Variants in PDE1A observed in about 807,000 individuals in gnomAD.
PDE1A encodes phosphodiesterase 1A.
PDE1A carries 35 observed loss-of-function variants against 61.7 expected under a neutral mutation model. The observed-to-expected ratio is 0.57, with a 90% CI of 0.43 to 0.75. The LOEUF (loss-of-function observed/expected upper bound fraction) is 0.75, where lower values mean the gene tolerates loss of function less well. Ranked by LOEUF, PDE1A falls within the 30% of genes least tolerant of loss-of-function variation. The pLI is 0.00. For synonymous variants in PDE1A, 232 were observed against 213.2 expected (o/e 1.09, Z -0.77); for missense variants, 597 against 630.6 (o/e 0.95, Z 0.57).
chr2:182,344,763 C>T (rs1698415563), intron 1 of PDE1A, among the ~76,000 whole-genome samples: 2 of 151,970 alleles, frequency 1.3e-5, no homozygotes, highest in South Asian at 4.1e-4. Context: ...CACACACACA[C>T]ACACACATAC....
chr2:182,677,405 A>T, the PDE1A span, among the ~76,000 whole-genome samples: 1 of 152,238 alleles, frequency 6.6e-6, no homozygotes, highest in African/African-American at 2.4e-5. Flanking sequence ...CAAATCAGAG[A>T]TAACACAAAC....
chr2:182,224,473 CAA>C (rs1688980441), intron 6 of PDE1A, among the ~76,000 whole-genome samples: 1 of 151,834 alleles, frequency 6.6e-6, no homozygotes, highest in Non-Finnish European at 1.5e-5. Flanking sequence ...CTGAAATTCA[CAA>C]ATTTTTCTAT....
chr2:182,284,069 G>C (rs775309645), intron 1 of PDE1A, among the ~76,000 whole-genome samples: 18 of 152,052 alleles, frequency 1.2e-4, no homozygotes, highest in Non-Finnish European at 2.5e-4. Flanking sequence ...TGACCTGGCA[G>C]CCCTTACCTG....
chr2:182,453,446 T>A (rs1685663587), intron 2 of PDE1A, among the ~76,000 whole-genome samples: 2 of 151,606 alleles, frequency 1.3e-5, no homozygotes, highest in Admixed American at 1.3e-4. Context: ...AAAAAAAAAA[T>A]CTGTGTGCAG....
At chr2:182,154,303 C>T (rs1342674875) in intron 13 of PDE1A, among the ~76,000 whole-genome samples, 1 of 152,046 alleles carries the variant, frequency 6.6e-6, no homozygotes, top group Non-Finnish European at 1.5e-5. Flanking sequence ...AAAACAAAAA[C>T]AAAAAATCCT....
intron 2 of PDE1A, among the ~76,000 whole-genome samples, chr2:182,252,040 T>G (rs1228778240): frequency 6.6e-6 from 1 of 152,120 alleles, no homozygotes; most frequent in African/African-American, 2.4e-5. Context: ...GAGGTAACGG[T>G]AGCCAAACAG....
chr2:182,692,718 A>T, the PDE1A span, among the ~76,000 whole-genome samples: 1 of 149,292 alleles, frequency 6.7e-6, no homozygotes, highest in African/African-American at 2.4e-5. Context: ...TATAAAAGAA[A>T]GTTAGGTTGA....
the PDE1A span, among the ~76,000 whole-genome samples, chr2:182,688,090 T>C: frequency 1.8e-3 from 276 of 152,280 alleles, 2 homozygotes; most frequent in African/African-American, 6.3e-3. Flanking sequence ...TGGAACCAAG[T>C]TGGAAAACAT....
chr2:182,357,280 C>CAAA (rs549504477), intron 1 of PDE1A, among the ~76,000 whole-genome samples: 3 of 144,448 alleles, frequency 2.1e-5, no homozygotes, highest in Non-Finnish European at 3.1e-5. Flanking sequence ...GGAAGGAAAA[C>CAAA]AAAAAAAAAC....
In PDE1A at chr2:182,201,633, C is replaced by T. The variant is rs1686639355; in HGVS notation, c.1004+55G>A. 3 of 1,246,566 alleles carry T rather than the reference C, an allele frequency of 2.4e-6. No individual in the cohort carries two copies. In the African/African-American group the frequency reaches 5.1e-5, roughly 21 times the overall value. The allele number at this position is 1,246,566 out of a possible 1,614,324, so 77.2% of individuals were successfully genotyped here. A position where few individuals can be genotyped will look rare whatever the true frequency, so the allele number is the denominator to read the frequency against. On this transcript the variant is annotated intron_variant, in intron 9 of 13. Coordinates refer to ENST00000351439, the Ensembl canonical transcript of PDE1A. ...TACAGTCTTTTCTGAGGCCAAGCCC[C>T]TGGAACTTTAACATGACAAAAAAAA...
the PDE1A span, among the ~76,000 whole-genome samples, chr2:182,625,264 T>C: frequency 6.6e-6 from 1 of 152,206 alleles, no homozygotes; most frequent in African/African-American, 2.4e-5. Flanking sequence ...CTATGGTATT[T>C]TGTTATAGCA....
At chr2:182,399,584 C>T (rs1701890268) in intron 1 of PDE1A, among the ~76,000 whole-genome samples, 1 of 151,952 alleles carries the variant, frequency 6.6e-6, no homozygotes, top group Non-Finnish European at 1.5e-5. Flanking sequence ...GTATATGTAT[C>T]CTTTTACAAT....
chr2:182,425,429 A>G (rs1703555502), intron 1 of PDE1A, among the ~76,000 whole-genome samples: 1 of 152,194 alleles, frequency 6.6e-6, no homozygotes, highest in Non-Finnish European at 1.5e-5. Flanking sequence ...TAAGACACAA[A>G]AACATATTTA....
the PDE1A span, among the ~76,000 whole-genome samples, chr2:182,530,312 T>C: frequency 1.5e-5 from 2 of 136,712 alleles, no homozygotes; most frequent in Non-Finnish European, 3.1e-5. Context: ...GTGAAGGTAA[T>C]GGGATGCCAG....
At chr2:182,593,692 A>T in the PDE1A span, among the ~76,000 whole-genome samples, 1 of 152,208 alleles carries the variant, frequency 6.6e-6, no homozygotes, top group South Asian at 2.1e-4. Flanking sequence ...TGTTACATGA[A>T]ATAAAGTCTT....
At chr2:182,699,515 A>G in the PDE1A span, among the ~76,000 whole-genome samples, 1 of 152,204 alleles carries the variant, frequency 6.6e-6, no homozygotes, top group Non-Finnish European at 1.5e-5. Context: ...AAGAATGAAG[A>G]TGTATTTTTT....
chr2:182,281,409 A>C (rs1464011498), intron 1 of PDE1A, among the ~76,000 whole-genome samples: 1 of 151,996 alleles, frequency 6.6e-6, no homozygotes, highest in Non-Finnish European at 1.5e-5. Flanking sequence ...CCTGTGGAGC[A>C]AATGGTCATG....
chr2:182,221,026 A>C (rs1262344574), intron 7 of PDE1A, among the ~76,000 whole-genome samples: 1 of 151,980 alleles, frequency 6.6e-6, no homozygotes, highest in East Asian at 1.9e-4. Flanking sequence ...GTTTTAAAAT[A>C]TAAATTGAAA....
chr2:182,633,707 C>A, the PDE1A span, among the ~76,000 whole-genome samples: 7 of 152,254 alleles, frequency 4.6e-5, no homozygotes, highest in South Asian at 1.5e-3. Flanking sequence ...AATCATTTGG[C>A]CTGCATCCTA....
Sources: allele counts gnomAD v4.1 joint callset (sites outside exome capture counted in the v4.1 genomes callset), GRCh38; gene constraint gnomAD v4.1.1; transcripts MANE v1.5; gene names NCBI Gene and HGNC (gene_info 2026-07-23, HGNC 2026-07-21).